Variants in SCFD2 observed in about 807,000 individuals in gnomAD.
SCFD2 encodes the protein sec1 family domain containing 2.
In SCFD2, 54 loss-of-function variants were observed where a neutral mutation model predicts 58.9. The ratio of observed to expected loss-of-function variants is 0.92; its 90% confidence interval spans 0.74 to 1.15. The LOEUF is 1.15. Ranked by LOEUF, SCFD2 falls within the 50% of genes most tolerant of loss-of-function variation. SCFD2 has a pLI of 0.00. For missense variants in SCFD2, 805 were observed against 836.6 expected (o/e 0.96, Z 0.47); for synonymous variants, 321 against 335.9 (o/e 0.96, Z 0.49).
At chr4:53,140,825 G>A (rs1379918556) in intron 5 of SCFD2, among the ~76,000 whole-genome samples, 1 of 152,162 alleles carries the variant, frequency 6.6e-6, no homozygotes, top group Non-Finnish European at 1.5e-5. Context: ...AAAGACATGG[G>A]CTACAGATCC....
At chr4:52,940,076 C>T (rs1333790743) in intron 5 of SCFD2, among the ~76,000 whole-genome samples, 6 of 152,236 alleles carry the variant, frequency 3.9e-5, no homozygotes, top group Non-Finnish European at 7.3e-5. Context: ...AATTTGCTTG[C>T]TAGTCTTCCC....
intron 4 of SCFD2, among the ~76,000 whole-genome samples, chr4:53,239,756 A>C (rs1192747741): frequency 6.6e-6 from 1 of 152,174 alleles, no homozygotes; most frequent in Non-Finnish European, 1.5e-5. Flanking sequence ...GATTACAGGC[A>C]TGAGGCACCA....
At chr4:53,279,128 C>T (rs1487393383) in intron 3 of SCFD2, among the ~76,000 whole-genome samples, 1 of 152,104 alleles carries the variant, frequency 6.6e-6, no homozygotes, top group Non-Finnish European at 1.5e-5. Flanking sequence ...AAACAAAACC[C>T]TTGACAGACA....
chr4:53,360,769 T>G (rs568808582), intron 1 of SCFD2, among the ~76,000 whole-genome samples: 1 of 152,342 alleles, frequency 6.6e-6, no homozygotes, highest in Admixed American at 6.5e-5. Flanking sequence ...TTTATAATTT[T>G]TAATGTATTT....
chr4:53,145,494 C>T lies in SCFD2; in HGVS notation c.1400G>A (p.Ser467Asn). Residue 467 changes from serine to asparagine, a missense_variant, in exon 5 of 9, where the codon AGC becomes AAC. Transcript: ENST00000401642. ...PVTQRTNEDY[S>N]PEELLILLIY... ...GAGAAGGATCAGCAGTTCCTCAGGG[C>T]TGTAGTCCTCGTTGGTTCTCTGGGT... The T allele has an allele frequency of 6.2e-7, 1 of 1,614,148 alleles. No individual in the cohort carries two copies. Among genetic ancestry groups the T allele is most frequent in the South Asian group, 1.1e-5 (1 of 91,082 alleles).
chr4:53,247,712 T>C (rs1231624214), intron 4 of SCFD2, among the ~76,000 whole-genome samples: 1 of 146,620 alleles, frequency 6.8e-6, no homozygotes, highest in Non-Finnish European at 1.5e-5. Flanking sequence ...ATACAAAAAA[T>C]TAGCCGGGCG....
rs1718405524 is a variant in SCFD2, at chr4:52,873,818, C to T, written c.*151G>A. The T allele has an allele frequency of 3.9e-6, 2 of 513,310 alleles. No homozygotes were observed. Among genetic ancestry groups the T allele is most frequent in the East Asian group, 3.1e-5 (1 of 32,102 alleles). The allele number at this position is 513,310 out of a possible 1,614,324, so 31.8% of individuals were successfully genotyped here. ...TCACAGCAATCCAAGCAAAGTACCTCACTGAGTAGGTATCAAGACCCTTCA... is the reference window on the plus strand; with the variant it reads ...TCACAGCAATCCAAGCAAAGTACCTTACTGAGTAGGTATCAAGACCCTTCA... On this transcript the variant is annotated 3_prime_UTR_variant, in exon 9 of 9. Transcript: ENST00000401642.
At chr4:52,976,615 G>A (rs753950020) in intron 5 of SCFD2, among the ~76,000 whole-genome samples, 12 of 152,240 alleles carry the variant, frequency 7.9e-5, no homozygotes, top group Non-Finnish European at 1.3e-4. Flanking sequence ...AATGCCAGCC[G>A]ACCCTGACAC....
At chr4:53,172,534 T>C (rs1032030107) in intron 4 of SCFD2, among the ~76,000 whole-genome samples, 21 of 152,198 alleles carry the variant, frequency 1.4e-4, no homozygotes, top group African/African-American at 4.6e-4. Flanking sequence ...TTTTGGTATA[T>C]TGTTTGTCCA....
At chr4:53,183,295 A>T (rs889339526) in intron 4 of SCFD2, among the ~76,000 whole-genome samples, 2 of 152,230 alleles carry the variant, frequency 1.3e-5, no homozygotes, top group Non-Finnish European at 2.9e-5. Flanking sequence ...AATGTGGCAC[A>T]TATATACCAT....
intron 4 of SCFD2, among the ~76,000 whole-genome samples, chr4:53,171,087 T>TC (rs1178591478): frequency 6.6e-6 from 1 of 152,176 alleles, no homozygotes; most frequent in Non-Finnish European, 1.5e-5. Context: ...ACTGTGTATA[T>TC]CCTTGTCTTG....
At chr4:52,927,412 C>T (rs1297433211) in intron 5 of SCFD2, among the ~76,000 whole-genome samples, 2 of 151,934 alleles carry the variant, frequency 1.3e-5, no homozygotes, top group Non-Finnish European at 2.9e-5. Flanking sequence ...TAAAGTGGAA[C>T]CAGAAGTTAA....
intron 5 of SCFD2, among the ~76,000 whole-genome samples, chr4:52,971,562 G>A (rs919573211): frequency 1.3e-5 from 2 of 152,186 alleles, no homozygotes; most frequent in African/African-American, 2.4e-5. Flanking sequence ...AAAGTGACAG[G>A]GAGAATGGAA....
intron 5 of SCFD2, among the ~76,000 whole-genome samples, chr4:53,097,668 C>T (rs1024850457): frequency 1.3e-5 from 2 of 152,212 alleles, no homozygotes; most frequent in African/African-American, 4.8e-5. Flanking sequence ...CAAAGAGAGA[C>T]AATTTGACTT....
intron 7 of SCFD2, among the ~76,000 whole-genome samples, chr4:52,900,385 G>A (rs1560474950): frequency 6.6e-6 from 1 of 152,234 alleles, no homozygotes; most frequent in South Asian, 2.1e-4. Context: ...ACTGTCAGCT[G>A]CAGGTCTATT....
At chr4:52,937,379 T>C (rs2109507467) in intron 5 of SCFD2, among the ~76,000 whole-genome samples, 1 of 152,236 alleles carries the variant, frequency 6.6e-6, no homozygotes. Context: ...AGCATGCACA[T>C]GGATGAAGGC....
At chr4:53,181,996 T>C (rs1376803671) in intron 4 of SCFD2, among the ~76,000 whole-genome samples, 41 of 152,028 alleles carry the variant, frequency 2.7e-4, no homozygotes, top group Admixed American at 5.2e-4. Flanking sequence ...CTCAAGGAAA[T>C]AAAAGAGGAT....
chr4:53,310,429 T>C (rs1732655926), intron 3 of SCFD2, among the ~76,000 whole-genome samples: 1 of 152,242 alleles, frequency 6.6e-6, no homozygotes, highest in Non-Finnish European at 1.5e-5. Context: ...AAAGATTCTC[T>C]GTAAAATGTA....
chr4:53,091,093 T>C (rs1250930091), intron 5 of SCFD2, among the ~76,000 whole-genome samples: 1 of 152,162 alleles, frequency 6.6e-6, no homozygotes. Context: ...ATGGGTGTTA[T>C]ACCATTTCAT....
Sources: gnomAD v4.1 joint callset for allele counts (sites outside exome capture counted in the v4.1 genomes callset) on GRCh38, gnomAD v4.1.1 for gene constraint, MANE v1.5 for transcripts, NCBI Gene and HGNC (gene_info 2026-07-23, HGNC 2026-07-21) for gene names.